The following SLC9A9 variants were observed in gnomAD, a reference collection of about 807,000 sequenced individuals.
SLC9A9 encodes solute carrier family 9 member A9.
SLC9A9 carries 62 observed loss-of-function variants against 77.8 expected under a neutral mutation model. The observed-to-expected ratio is 0.80, with a 90% CI of 0.65 to 0.98. The LOEUF (loss-of-function observed/expected upper bound fraction) is 0.98, where lower values mean the gene tolerates loss of function less well. Ranked by LOEUF, SLC9A9 falls within the 50% of genes least tolerant of loss-of-function variation. SLC9A9 has a pLI of 0.00. For synonymous variants in SLC9A9, 320 were observed against 283.5 expected (o/e 1.13, Z -1.29); for missense variants, 775 against 774.9 (o/e 1.00, Z 0.00).
intron 1 of SLC9A9, among the ~76,000 whole-genome samples, chr3:143,835,317 C>T (rs963111077): frequency 1.3e-5 from 2 of 152,220 alleles, no homozygotes; most frequent in African/African-American, 4.8e-5. Context: ...TCCCCAAACC[C>T]CAAGGGTTGA....
chr3:143,702,182 T>C (rs1933822620), intron 4 of SLC9A9, among the ~76,000 whole-genome samples: 1 of 152,116 alleles, frequency 6.6e-6, no homozygotes, highest in African/African-American at 2.4e-5. Context: ...TTCTTTAACC[T>C]TAGAGAAAAA....
intron 14 of SLC9A9, among the ~76,000 whole-genome samples, chr3:143,349,357 A>G (rs1401416148): frequency 3.3e-5 from 5 of 152,194 alleles, no homozygotes. Flanking sequence ...GGACAGAACC[A>G]GGACTAGCCT....
intron 14 of SLC9A9, among the ~76,000 whole-genome samples, chr3:143,351,193 T>G (rs1289036150): frequency 2.6e-5 from 4 of 152,218 alleles, no homozygotes; most frequent in Non-Finnish European, 5.9e-5. Context: ...AATTTACTTC[T>G]AATTTCTCAA....
chr3:143,748,849 G>A (rs1265195358), intron 4 of SLC9A9, among the ~76,000 whole-genome samples: 4 of 151,492 alleles, frequency 2.6e-5, no homozygotes, highest in Admixed American at 1.3e-4. Flanking sequence ...GACTACAGGC[G>A]CCCGCCACCG....
At chr3:143,679,115 A>AAT (rs398091866) in intron 5 of SLC9A9, among the ~76,000 whole-genome samples, 1 of 151,566 alleles carries the variant, frequency 6.6e-6, no homozygotes, top group Non-Finnish European at 1.5e-5. Context: ...AGTAAAAAAA[A>AAT]GCAAATTAGG....
intron 14 of SLC9A9, chr3:143,313,012 A>T (rs1370873160): frequency 1.3e-5 from 2 of 152,208 alleles, no homozygotes; most frequent in Non-Finnish European, 2.9e-5. Context: ...TGAAGCTATA[A>T]TATTACACGA....
intron 14 of SLC9A9, among the ~76,000 whole-genome samples, chr3:143,354,539 G>A (rs2032540375): frequency 6.6e-6 from 1 of 152,206 alleles, no homozygotes; most frequent in African/African-American, 2.4e-5. Flanking sequence ...AATATGTGAA[G>A]CTGGCAGCCA....
intron 11 of SLC9A9, among the ~76,000 whole-genome samples, chr3:143,470,053 G>A (rs2035351981): frequency 1.3e-5 from 2 of 152,104 alleles, no homozygotes; most frequent in African/African-American, 2.4e-5. Context: ...AATACAAATG[G>A]GATCATTAGG....
intron 9 of SLC9A9, among the ~76,000 whole-genome samples, chr3:143,501,146 A>G (rs1216466683): frequency 1.3e-5 from 2 of 150,758 alleles, no homozygotes; most frequent in Non-Finnish European, 2.9e-5. Context: ...TTGTATTAGT[A>G]AAAACCTGGA....
chr3:143,472,114 A>T (rs1394904854), intron 11 of SLC9A9, among the ~76,000 whole-genome samples: 1 of 152,228 alleles, frequency 6.6e-6, no homozygotes, highest in Admixed American at 6.5e-5. Context: ...GTGCAAAGCA[A>T]TAAACTAAAA....
intron 6 of SLC9A9, among the ~76,000 whole-genome samples, chr3:143,612,680 G>C (rs1481912114): frequency 6.6e-6 from 1 of 152,204 alleles, no homozygotes; most frequent in African/African-American, 2.4e-5. Flanking sequence ...GAGCCGATTT[G>C]AAATGACAGG....
At chr3:143,380,464 GT>G (rs1368830963) in intron 13 of SLC9A9, among the ~76,000 whole-genome samples, 1 of 41,826 alleles carries the variant, frequency 2.4e-5, no homozygotes, top group Non-Finnish European at 4.7e-5. Flanking sequence ...TTAGATAAAA[GT>G]TTTCTTGAAG....
At chr3:143,808,960 G>A (rs2008794621) in intron 2 of SLC9A9, among the ~76,000 whole-genome samples, 2 of 151,988 alleles carry the variant, frequency 1.3e-5, no homozygotes, top group Admixed American at 6.6e-5. Context: ...AACTCCTAAA[G>A]GTTACACAAC....
intron 5 of SLC9A9, among the ~76,000 whole-genome samples, chr3:143,654,804 C>T (rs1339853296): frequency 6.6e-6 from 1 of 152,136 alleles, no homozygotes; most frequent in African/African-American, 2.4e-5. Context: ...AGGCCCTTAC[C>T]CCACCTCCCC....
intron 3 of SLC9A9, among the ~76,000 whole-genome samples, chr3:143,796,341 G>A (rs1026930791): frequency 4.6e-5 from 7 of 152,066 alleles, no homozygotes; most frequent in Non-Finnish European, 8.8e-5. Flanking sequence ...CCAGAATAAT[G>A]CTGTCCAATA....
intron 5 of SLC9A9, among the ~76,000 whole-genome samples, chr3:143,654,526 T>A (rs1474785153): frequency 6.6e-6 from 1 of 152,198 alleles, no homozygotes. Flanking sequence ...TGCTAAGTAA[T>A]CTCTTTCTCC....
At chr3:143,513,564 A>G (rs547983874) in intron 9 of SLC9A9, among the ~76,000 whole-genome samples, 11 of 152,352 alleles carry the variant, frequency 7.2e-5, no homozygotes, top group African/African-American at 2.4e-4. Context: ...CATAAATCAC[A>G]AATGTTCTTA....
chr3:143,538,999 G>T (rs936945996), intron 9 of SLC9A9, among the ~76,000 whole-genome samples: 2 of 152,134 alleles, frequency 1.3e-5, no homozygotes, highest in African/African-American at 2.4e-5. Context: ...ACAAAGCAAG[G>T]CACAGCACAA....
intron 12 of SLC9A9, among the ~76,000 whole-genome samples, chr3:143,390,648 G>A (rs1006723178): frequency 4.6e-5 from 7 of 152,188 alleles, no homozygotes; most frequent in African/African-American, 9.7e-5. Flanking sequence ...GAAGCAGGGC[G>A]AGGCGTCGCC....
Sources: allele counts gnomAD v4.1 joint callset (sites outside exome capture counted in the v4.1 genomes callset), GRCh38; gene constraint gnomAD v4.1.1; transcripts MANE v1.5; gene names NCBI Gene and HGNC (gene_info 2026-07-23, HGNC 2026-07-21).